Variants in RAD50 observed in about 807,000 individuals in gnomAD.
The protein encoded by RAD50 is DNA repair protein RAD50.
In RAD50, 132 loss-of-function variants were observed where a neutral mutation model predicts 168.8. The observed-to-expected ratio is 0.78, with a 90% CI of 0.68 to 0.90. The LOEUF is 0.90. Ranked by LOEUF, RAD50 falls within the 40% of genes least tolerant of loss-of-function variation. The pLI, the probability that RAD50 is intolerant of heterozygous loss-of-function variation, is 0.00. For synonymous variants in RAD50, 525 were observed against 497.4 expected (o/e 1.06, Z -0.74); for missense variants, 1,347 against 1,534.4 (o/e 0.88, Z 2.04).
chr5:132,574,005 G>C (rs914277818), intron 2 of RAD50, among the ~76,000 whole-genome samples: 2 of 152,214 alleles, frequency 1.3e-5, no homozygotes, highest in African/African-American at 4.8e-5. Context: ...AGTGCCTGCA[G>C]TTTTTCCAGG....
At chr5:132,599,880 T>A (rs550850834) in intron 13 of RAD50, among the ~76,000 whole-genome samples, 43 of 152,314 alleles carry the variant, frequency 2.8e-4, no homozygotes, top group African/African-American at 9.6e-4. Context: ...TTGATTTACA[T>A]GATCATTAAG....
chr5:132,641,763 T>C (rs920390683), intron 24 of RAD50: 2 of 180,702 alleles, frequency 1.1e-5, no homozygotes, highest in African/African-American at 2.4e-5. Flanking sequence ...TTGTCTTTAT[T>C]ACTTTTAAAT....
intron 8 of RAD50, among the ~76,000 whole-genome samples, chr5:132,589,370 T>A (rs1750655714): frequency 6.6e-6 from 1 of 152,162 alleles, no homozygotes; most frequent in Non-Finnish European, 1.5e-5. Context: ...GCTGTATAGG[T>A]TTGTAGCCCA....
Position 132,608,714 on chromosome 5 carries a change from G to A in RAD50, c.2818G>A (p.Ala940Thr), listed in dbSNP as rs1581004318. Residue 940 changes from alanine to threonine, a missense_variant, in exon 17 of 25, where the codon GCA becomes ACA. By Grantham distance (58) the Ala-to-Thr change is moderately conservative. This residue lies in a region of RAD50 where 635 missense variants were observed against 739.2 expected (regional missense o/e 0.86). Transcript: ENST00000378823. ...INKKNTSNKI[A>T]QDKLNDIKEK... ...CAAAAAAAATACAAGCAACAAAATAGCACAGGATAAAGTAAGATTTCATTT... is the reference window on the plus strand; with the variant it reads ...CAAAAAAAATACAAGCAACAAAATAACACAGGATAAAGTAAGATTTCATTT... 1.3e-5 allele frequency: 21 copies of A among 1,583,812 alleles called. No individual in the cohort carries two copies. The highest frequency in any genetic ancestry group is 1.8e-5 in the Non-Finnish European group (21 of 1,165,182).
At position 132,557,157 on chromosome 5, in the gene RAD50, C is replaced by T. The variant is rs900926535; in HGVS notation, c.-168C>T. ...GGCTCCATCCCCCGCCCCCTCTCTC[C>T]CGCTGTTGGCTGGCAGGATCTTTTG... On this transcript the variant is annotated 5_prime_UTR_variant, in exon 1 of 25. Coordinates refer to ENST00000378823, the MANE Select transcript of RAD50 (RefSeq NM_005732.4). 5.4e-6 allele frequency: 5 copies of T among 925,514 alleles called. No homozygotes were observed. The Admixed American group carries it at 6.3e-5, about 12-fold the overall frequency. The allele number at this position is 925,514 out of a possible 1,614,324, so 57.3% of individuals were successfully genotyped here.
At position 132,618,120 on chromosome 5, in the gene RAD50, A is replaced by G. The variant is rs761533807; in HGVS notation, c.3215A>G (p.Asn1072Ser). Residue 1072 changes from asparagine (N) to serine (S), a missense_variant, in exon 21 of 25, where the codon AAT becomes AGT. Coordinates refer to ENST00000378823, the MANE Select transcript of RAD50 (RefSeq NM_005732.4). ...ENIDNIKRNHNLALGRQKGYE... is the reference protein window; with the variant it reads ...ENIDNIKRNHSLALGRQKGYE... ...ATAGACAATATAAAAAGAAATCATA[A>G]TTTGGCATTAGGGCGACAGAAAGGT... 1.9e-6 allele frequency: 3 copies of G among 1,613,802 alleles called. No homozygotes were observed. The highest frequency in any genetic ancestry group is 2.5e-6 in the Non-Finnish European group (3 of 1,179,846).
chr5:132,571,932 G>A (rs1000861315), intron 2 of RAD50, among the ~76,000 whole-genome samples: 2 of 152,112 alleles, frequency 1.3e-5, no homozygotes, highest in African/African-American at 4.8e-5. Flanking sequence ...AAAATTATCA[G>A]TCATGAAAGT....
intron 10 of RAD50, 63 bp downstream of exon 10, chr5:132,591,469 C>A: frequency 6.8e-7 from 1 of 1,470,684 alleles, no homozygotes; most frequent in South Asian, 1.2e-5. Flanking sequence ...ACCTTGCACT[C>A]ATAAGTCATA....
chr5:132,633,193 C>T (rs1751509156), intron 21 of RAD50, among the ~76,000 whole-genome samples: 1 of 146,242 alleles, frequency 6.8e-6, no homozygotes, highest in Non-Finnish European at 1.5e-5. Context: ...CCGCCTCCAT[C>T]TCCCGGGTTG....
At chr5:132,596,929 G>C (rs1397049598) in intron 13 of RAD50, among the ~76,000 whole-genome samples, 1 of 152,202 alleles carries the variant, frequency 6.6e-6, no homozygotes, top group Non-Finnish European at 1.5e-5. Context: ...GGTGCAAAGG[G>C]AAGAGGAGTA....
At chr5:132,629,092 A>G (rs1242639182) in intron 21 of RAD50, among the ~76,000 whole-genome samples, 1 of 152,216 alleles carries the variant, frequency 6.6e-6, no homozygotes, top group Non-Finnish European at 1.5e-5. Context: ...ATAGAAAAAC[A>G]TACGTAGGAG....
At position 132,643,936 on chromosome 5, in the gene RAD50, A is replaced by G. The variant is rs1751797002; in HGVS notation, c.*1572A>G. The G allele has an allele frequency of 4.3e-6, 1 of 230,674 alleles. No individual in the cohort carries two copies. Among genetic ancestry groups the G allele is most frequent in the Non-Finnish European group, 8.6e-6 (1 of 116,504 alleles). 14.3% of individuals were successfully genotyped at this position (230,674 alleles called of 1,614,324 possible). On this transcript the variant is annotated 3_prime_UTR_variant, in exon 25 of 25. Coordinates refer to ENST00000378823, the MANE Select transcript of RAD50 (RefSeq NM_005732.4). ...TAGCAGCTATATTTGATAAAATTCA[A>G]CATCTCCTAGCTTTAGCAAACTCAC...
At chr5:132,581,163 C>T (rs1377417867) in intron 5 of RAD50, among the ~76,000 whole-genome samples, 2 of 151,932 alleles carry the variant, frequency 1.3e-5, no homozygotes, top group Non-Finnish European at 2.9e-5. Context: ...TGCAGTGGCA[C>T]GATCTCGGCT....
chr5:132,562,337 G>A (rs1238653581), intron 2 of RAD50, among the ~76,000 whole-genome samples: 1 of 152,154 alleles, frequency 6.6e-6, no homozygotes, highest in African/African-American at 2.4e-5. Context: ...ATAGGGCAGA[G>A]ACAAATTAAG....
rs1439648859 is a variant in RAD50 at position 132,591,397 on chromosome 5, C to G, written c.1626C>G (p.Thr542=). 6.2e-7 allele frequency: 1 copy of G among 1,613,018 alleles called. No homozygotes were observed. Among genetic ancestry groups the G allele is most frequent in the Admixed American group, 1.7e-5 (1 of 60,004 alleles). ...CACGTACCCAAATGGAGATGCTGAC[C>G]AAAGACAAAGTATGATTTTTCTTTT... is the stretch of plus-strand genomic sequence containing the variant. ...TTTRTQMEML[T]KDKADKDEQI... Residue 542 remains threonine, a synonymous_variant, in exon 10 of 25, where the codon ACC becomes ACG. Transcript: ENST00000378823.
At chr5:132,595,507 C>G (rs959802505) in intron 12 of RAD50, 66 bp from the exon 13 acceptor site, 9 of 997,644 alleles carry the variant, frequency 9.0e-6, no homozygotes, top group Middle Eastern at 2.2e-4. Context: ...AAGATACAAC[C>G]GTATTCAGAA....
intron 21 of RAD50, among the ~76,000 whole-genome samples, chr5:132,634,143 T>C (rs1333380522): frequency 6.6e-6 from 1 of 152,224 alleles, no homozygotes; most frequent in Non-Finnish European, 1.5e-5. Flanking sequence ...TTGCATTTAA[T>C]TTATGGATTA....
chr5:132,560,747 G>C lies in RAD50; in HGVS notation c.213+1380G>C, dbSNP rs572209309. On this transcript the variant is annotated intron_variant, in intron 2 of 24. Transcript: ENST00000378823. Reference sequence around the variant, plus strand: ...CCTTCAGTTTTTCCATCTCTCTCCTGGATCAGCAGTTTCTCTTGATGGATC... The same window carrying C: ...CCTTCAGTTTTTCCATCTCTCTCCTCGATCAGCAGTTTCTCTTGATGGATC... Among the ~76,000 whole-genome samples, 3 of 152,200 alleles carry C rather than the reference G, an allele frequency of 2.0e-5. No homozygotes were observed. The East Asian group carries it at 5.8e-4, about 29-fold the overall frequency.
intron 21 of RAD50, among the ~76,000 whole-genome samples, chr5:132,624,871 CAAAAAAAA>C (rs10671829): frequency 1.7e-5 from 1 of 57,360 alleles, no homozygotes; most frequent in African/African-American, 5.3e-5. Context: ...GACCCTGTCT[CAAAAAAAA>C]AAAAAAAAAA....
Sources: gnomAD v4.1 joint callset for allele counts (sites outside exome capture counted in the v4.1 genomes callset) on GRCh38, gnomAD v4.1.1 for gene constraint, gnomAD v4.1.1 regional missense constraint, MANE v1.5 for transcripts, NCBI Gene and HGNC (gene_info 2026-07-23, HGNC 2026-07-21) for gene names.